CLN8: variants seen among roughly 807,000 people sequenced by gnomAD.
CLN8 encodes the protein protein CLN8.
Under a neutral mutation model 15.7 loss-of-function variants are expected in CLN8, and 14 were observed. The ratio of observed to expected loss-of-function variants is 0.89; its 90% CI spans 0.59 to 1.39. The LOEUF (loss-of-function observed/expected upper bound fraction) is 1.39. CLN8 is among the 40% of genes most tolerant of loss of function. The pLI, the probability that CLN8 is intolerant of heterozygous loss-of-function variation, is 0.00. For synonymous variants in CLN8, 188 were observed against 151.0 expected (o/e 1.25, Z -1.80); for missense variants, 415 against 364.0 (o/e 1.14, Z -1.14).
intron 1 of CLN8, among the ~76,000 whole-genome samples, chr8:1,769,458 G>T (rs1008771289): frequency 1.3e-5 from 2 of 152,152 alleles, no homozygotes; most frequent in South Asian, 2.1e-4. Context: ...GTCCAGCTGC[G>T]TGGGGAGTGT....
At chr8:1,761,216 A>G (rs1426541065), upstream of CLN8, among the ~76,000 whole-genome samples, 1 of 151,942 alleles carries the variant, frequency 6.6e-6, no homozygotes, top group East Asian at 1.9e-4. Context: ...TGATTTATCC[A>G]AACAGGTGAA....
chr8:1,779,294 T>A (rs897197009), intron 2 of CLN8, among the ~76,000 whole-genome samples: 5 of 152,198 alleles, frequency 3.3e-5, no homozygotes, highest in African/African-American at 9.6e-5. Context: ...CCAGACTAGA[T>A]TGCAGTGGCA....
chr8:1,760,784 G>C (rs1442978148), upstream of CLN8, among the ~76,000 whole-genome samples: 1 of 152,160 alleles, frequency 6.6e-6, no homozygotes. Context: ...GGCAGTCGCA[G>C]AGTGCAGTGA....
intron 1 of CLN8, among the ~76,000 whole-genome samples, chr8:1,768,374 A>G (rs1043196649): frequency 2.0e-5 from 3 of 152,170 alleles, no homozygotes; most frequent in Admixed American, 6.5e-5. Context: ...GACCTCCTGA[A>G]GCATCACTTG....
Position 1,771,019 on chromosome 8 carries a change from TG to T in CLN8, c.-34del. On this transcript the variant is annotated 5_prime_UTR_variant, in exon 2 of 3. Transcript: ENST00000331222. ...ACACAGTGTAGGGCCCGGCCCGTGT[TG>T]GCCCCAGGACTCCTTTGGAATATAG... 1.2e-6 allele frequency: 2 copies of T among 1,609,976 alleles called. No individual in the cohort carries two copies. Among genetic ancestry groups the T allele is most frequent in the African/African-American group, 2.7e-5 (2 of 74,956 alleles).
upstream of CLN8, chr8:1,763,761 C>T (rs1475894002): frequency 3.4e-5 from 5 of 148,504 alleles, no homozygotes; most frequent in Non-Finnish European, 6.0e-5. Flanking sequence ...TGCGAACGCG[C>T]GTGCGCGGGC....
upstream of CLN8, chr8:1,763,317 A>C (rs1169958753): frequency 8.0e-5 from 5 of 62,474 alleles, no homozygotes; most frequent in Non-Finnish European, 1.7e-4. Flanking sequence ...GCCGCCCGCC[A>C]TGGTTCAGCC....
chr8:1,772,524 T>G (rs1801354512), intron 2 of CLN8, among the ~76,000 whole-genome samples: 1 of 152,184 alleles, frequency 6.6e-6, no homozygotes, highest in African/African-American at 2.4e-5. Context: ...AGTGGCATGA[T>G]CTTGGCTCAC....
At chr8:1,760,895 G>C (rs1420177632), upstream of CLN8, among the ~76,000 whole-genome samples, 9 of 152,072 alleles carry the variant, frequency 5.9e-5, no homozygotes, top group African/African-American at 2.2e-4. Flanking sequence ...TAAAAGCCAA[G>C]CTACGTGTAA....
chr8:1,783,605 C>T lies in CLN8; in HGVS notation c.*3038C>T, dbSNP rs935378291. The T allele has an allele frequency of 7.3e-5, 11 of 151,226 alleles. No individual in the cohort carries two copies. The highest frequency in any genetic ancestry group is 7.4e-5 in the Non-Finnish European group (5 of 68,002). The allele number at this position is 151,226 out of a possible 1,614,324, so 9.4% of individuals were successfully genotyped here. ...AGACCAAGGGTTGGTGCAGCCTCCT[C>T]GCCGCGCTGCGGGGGCTGGGCCGCA... On this transcript the variant is annotated 3_prime_UTR_variant, in exon 3 of 3. Transcript: ENST00000331222.
At chr8:1,777,338 A>T (rs986760484) in intron 2 of CLN8, among the ~76,000 whole-genome samples, 2 of 152,168 alleles carry the variant, frequency 1.3e-5, no homozygotes, top group Admixed American at 6.6e-5. Flanking sequence ...GCTCTGCGAG[A>T]GTCACAATGA....
intron 1 of CLN8, among the ~76,000 whole-genome samples, chr8:1,765,422 T>C (rs1801012390): frequency 6.6e-6 from 1 of 152,254 alleles, no homozygotes. Context: ...AAGAGGATTG[T>C]AAATTTTTAT....
chr8:1,768,829 A>G (rs1014733729), intron 1 of CLN8, among the ~76,000 whole-genome samples: 6 of 152,196 alleles, frequency 3.9e-5, no homozygotes, highest in African/African-American at 1.4e-4. Flanking sequence ...CAGCCCCTTA[A>G]TACCATGTTC....
chr8:1,779,891 A>G (rs1801654650), intron 2 of CLN8: 2 of 955,718 alleles, frequency 2.1e-6, no homozygotes, highest in South Asian at 9.7e-5. Context: ...TTTGCCAAAT[A>G]AGTATTGTTT....
At chr8:1,760,225 C>T (rs1176114892), upstream of CLN8, 1 of 152,168 alleles carries the variant, frequency 6.6e-6, no homozygotes, top group African/African-American at 2.4e-5. Flanking sequence ...CTGCGTCAGA[C>T]ACCTGTGATG....
upstream of CLN8, among the ~76,000 whole-genome samples, chr8:1,753,701 T>C (rs1204991461): frequency 6.6e-6 from 1 of 150,774 alleles, no homozygotes; most frequent in African/African-American, 2.4e-5. Context: ...CTGGCTAACA[T>C]GGTGAAACCC....
intron 2 of CLN8, among the ~76,000 whole-genome samples, chr8:1,777,863 T>G (rs1443643542): frequency 1.3e-5 from 2 of 152,176 alleles, no homozygotes; most frequent in Non-Finnish European, 2.9e-5. Flanking sequence ...AGGAGTACAC[T>G]CCAAGATAAT....
Position 1,780,536 on chromosome 8 carries a change from A to G in CLN8, c.830A>G (p.Asn277Ser), listed in dbSNP as rs1284620446. 4 of 1,614,046 alleles carry G rather than the reference A, an allele frequency of 2.5e-6. No homozygotes were observed. Among genetic ancestry groups the G allele is most frequent in the African/African-American group, 1.3e-5 (1 of 74,940 alleles). Residue 277 changes from asparagine (N) to serine (S), a missense_variant, in exon 3 of 3, where the codon AAC becomes AGC. Asn to Ser is a conservative substitution (Grantham distance 46, BLOSUM62 1). Coordinates refer to ENST00000331222, the MANE Select transcript of CLN8 (RefSeq NM_018941.4). The part of the protein sequence containing the change: ...QPEAKSRPEG[N>S]GQLLRKKRP Reference sequence around the variant, plus strand: ...GAAGCCAAGAGCAGGCCAGAAGGCAACGGGCAGCTGCTGCGGAAGAAGAGG... The same window carrying G: ...GAAGCCAAGAGCAGGCCAGAAGGCAGCGGGCAGCTGCTGCGGAAGAAGAGG...
At chr8:1,754,186 C>G (rs1402278797), upstream of CLN8, among the ~76,000 whole-genome samples, 2 of 152,210 alleles carry the variant, frequency 1.3e-5, no homozygotes, top group Non-Finnish European at 2.9e-5. Context: ...ATGATCCTAT[C>G]AAATCCCCTG....
Sources: allele counts gnomAD v4.1 joint callset (sites outside exome capture counted in the v4.1 genomes callset), GRCh38; gene constraint gnomAD v4.1.1; transcripts MANE v1.5; gene names NCBI Gene and HGNC (gene_info 2026-07-23, HGNC 2026-07-21).